AGMO: variants seen among roughly 807,000 people sequenced by gnomAD.
AGMO encodes glyceryl-ether monooxygenase.
Under a neutral mutation model 60.2 loss-of-function variants are expected in AGMO, and 75 were observed. The ratio of observed to expected loss-of-function variants is 1.25; its 90% CI spans 1.03 to 1.51. The LOEUF is 1.51. Ranked by LOEUF, AGMO falls within the 40% of genes most tolerant of loss-of-function variation. The pLI, the probability that AGMO is intolerant of heterozygous loss-of-function variation, is 0.00. For synonymous variants in AGMO, 261 were observed against 177.1 expected (o/e 1.47, Z -3.76); for missense variants, 763 against 525.5 (o/e 1.45, Z -4.42).
At chr7:15,322,458 A>G (rs1357240982) in intron 12 of AGMO, among the ~76,000 whole-genome samples, 1 of 79,566 alleles carries the variant, frequency 1.3e-5, no homozygotes, top group Non-Finnish European at 2.5e-5. Context: ...ATATATATAA[A>G]TATATATAAA....
intron 12 of AGMO, among the ~76,000 whole-genome samples, chr7:15,229,701 T>C (rs1782196263): frequency 7.2e-6 from 1 of 139,002 alleles, no homozygotes; most frequent in Non-Finnish European, 1.5e-5. Flanking sequence ...TAACTAATTA[T>C]TTATATATAT....
chr7:15,411,142 G>A (rs553297617), intron 5 of AGMO, among the ~76,000 whole-genome samples: 7 of 152,008 alleles, frequency 4.6e-5, no homozygotes, highest in African/African-American at 7.2e-5. Flanking sequence ...TTTGCTCTCC[G>A]TATTGCATGA....
intron 2 of AGMO, among the ~76,000 whole-genome samples, chr7:15,554,802 T>C (rs1234754869): frequency 1.3e-5 from 2 of 152,074 alleles, no homozygotes; most frequent in Non-Finnish European, 2.9e-5. Context: ...GGATTGAGAA[T>C]TAGAAACTAA....
chr7:15,544,051 T>A (rs549930400), intron 3 of AGMO, among the ~76,000 whole-genome samples: 4 of 152,194 alleles, frequency 2.6e-5, no homozygotes, highest in African/African-American at 7.2e-5. Flanking sequence ...TAAAAAGGAA[T>A]GAAATAATGG....
chr7:15,255,565 G>T (rs1025824649), intron 12 of AGMO, among the ~76,000 whole-genome samples: 16 of 139,572 alleles, frequency 1.1e-4, no homozygotes, highest in African/African-American at 4.0e-4. Context: ...GAAAGAAAAA[G>T]AAAACTACAG....
chr7:15,440,212 CT>C (rs745983904), intron 3 of AGMO, among the ~76,000 whole-genome samples: 30 of 152,222 alleles, frequency 2.0e-4, no homozygotes, highest in Non-Finnish European at 3.8e-4. Context: ...AGTTATATGT[CT>C]TTATACAGGC....
At chr7:15,473,584 G>A (rs1236060142) in intron 3 of AGMO, among the ~76,000 whole-genome samples, 1 of 152,012 alleles carries the variant, frequency 6.6e-6, no homozygotes, top group African/African-American at 2.4e-5. Context: ...AGCTATTTAT[G>A]GCAAACCCAC....
chr7:15,478,848 G>A (rs1398961658), intron 3 of AGMO, among the ~76,000 whole-genome samples: 2 of 151,998 alleles, frequency 1.3e-5, no homozygotes, highest in Non-Finnish European at 2.9e-5. Flanking sequence ...TATTGATATT[G>A]TATATTGAAA....
intron 3 of AGMO, among the ~76,000 whole-genome samples, chr7:15,473,615 G>C (rs1047373498): frequency 9.9e-5 from 15 of 152,080 alleles, no homozygotes; most frequent in Middle Eastern, 3.4e-3. Flanking sequence ...ATACTGAATG[G>C]GCAAAAGCTG....
intron 12 of AGMO, among the ~76,000 whole-genome samples, chr7:15,201,654 T>G (rs774074405): frequency 2.6e-5 from 4 of 152,164 alleles, no homozygotes; most frequent in African/African-American, 4.8e-5. Context: ...ATTCAGACAT[T>G]TCTTCTGACA....
intron 3 of AGMO, among the ~76,000 whole-genome samples, chr7:15,491,981 A>C (rs1783077803): frequency 6.6e-6 from 1 of 152,198 alleles, no homozygotes; most frequent in South Asian, 2.1e-4. Context: ...TTCGCAGTGC[A>C]GTTTGAAAGT....
At chr7:15,313,324 A>G (rs1780822065) in intron 12 of AGMO, among the ~76,000 whole-genome samples, 1 of 152,192 alleles carries the variant, frequency 6.6e-6, no homozygotes, top group African/African-American at 2.4e-5. Context: ...TAGTCCTGTC[A>G]GGGAGCTAAT....
intron 12 of AGMO, among the ~76,000 whole-genome samples, chr7:15,241,370 G>A (rs1293939864): frequency 3.6e-5 from 5 of 139,426 alleles, no homozygotes; most frequent in African/African-American, 1.1e-4. Flanking sequence ...TGAGGCAGGA[G>A]AATGGCATGA....
At chr7:15,186,089 T>C in the AGMO span, among the ~76,000 whole-genome samples, 1 of 152,204 alleles carries the variant, frequency 6.6e-6, no homozygotes, top group African/African-American at 2.4e-5. Context: ...TCACTCTCAA[T>C]ACCTTGGCCA....
At chr7:15,390,454 G>C (rs1784090330) in intron 8 of AGMO, among the ~76,000 whole-genome samples, 1 of 152,114 alleles carries the variant, frequency 6.6e-6, no homozygotes, top group Non-Finnish European at 1.5e-5. Context: ...CTAGGCCATA[G>C]ACATATTTGA....
At chr7:15,384,811 TTTTC>T (rs1214906736) in intron 10 of AGMO, among the ~76,000 whole-genome samples, 1 of 99,494 alleles carries the variant, frequency 1.0e-5, no homozygotes, top group Non-Finnish European at 2.0e-5. Context: ...AAATACCTGT[TTTTC>T]TCTTTTTTTT....
chr7:15,184,311 G>C, the AGMO span, among the ~76,000 whole-genome samples: 2 of 121,482 alleles, frequency 1.6e-5, no homozygotes, highest in African/African-American at 6.2e-5. Flanking sequence ...GGCAGGGAGG[G>C]AGGGAAGGAG....
intron 12 of AGMO, among the ~76,000 whole-genome samples, chr7:15,264,408 G>GA (rs1783372124): frequency 6.6e-6 from 1 of 151,594 alleles, no homozygotes; most frequent in Admixed American, 6.6e-5. Context: ...TTTTATTTGG[G>GA]AAAAAATGCA....
chr7:15,185,631 G>A, the AGMO span, among the ~76,000 whole-genome samples: 1 of 151,832 alleles, frequency 6.6e-6, no homozygotes, highest in Non-Finnish European at 1.5e-5. Context: ...GTGTCAACCA[G>A]AAGGAGAGAA....
Sources: allele counts gnomAD v4.1 joint callset (sites outside exome capture counted in the v4.1 genomes callset), GRCh38; gene constraint gnomAD v4.1.1; transcripts MANE v1.5; gene names NCBI Gene and HGNC (gene_info 2026-07-23, HGNC 2026-07-21).